The following FRYL variants were observed in gnomAD, a reference collection of about 807,000 sequenced individuals.
FRYL encodes the protein FRY like transcription coactivator, also known as protein furry homolog-like.
Under a neutral mutation model 351.2 loss-of-function variants are expected in FRYL, and 150 were observed. That is an observed-to-expected ratio of 0.43 (90% CI 0.37 to 0.49). The LOEUF is 0.49. Among genes scored for constraint, FRYL ranks in the 20% least tolerant of loss-of-function variants. The probability of loss-of-function intolerance (pLI) is 0.00; values close to 1 mark genes in which losing one functional copy is unlikely to be tolerated. For missense variants in FRYL, 3,036 were observed against 3,619.3 expected (o/e 0.84, Z 4.13); for synonymous variants, 1,153 against 1,257.1 (o/e 0.92, Z 1.75).
At chr4:48,640,665 T>C (rs1026012310) in intron 3 of FRYL, among the ~76,000 whole-genome samples, 1 of 152,154 alleles carries the variant, frequency 6.6e-6, no homozygotes, top group African/African-American at 2.4e-5. Context: ...AATGTTTCAA[T>C]ATTGTTTCAT....
At chr4:48,561,190 G>A (rs1232579837) in intron 33 of FRYL, among the ~76,000 whole-genome samples, 1 of 152,176 alleles carries the variant, frequency 6.6e-6, no homozygotes, top group Admixed American at 6.5e-5. Context: ...TAAGTCACAT[G>A]TGAAAAGTCG....
chr4:48,683,430 A>G (rs1764863618), intron 3 of FRYL, among the ~76,000 whole-genome samples: 1 of 152,006 alleles, frequency 6.6e-6, no homozygotes, highest in South Asian at 2.1e-4. Flanking sequence ...AAAAAAAAAA[A>G]AAAGAAAAAT....
intron 4 of FRYL, among the ~76,000 whole-genome samples, chr4:48,623,663 G>T (rs1232642708): frequency 1.3e-5 from 2 of 152,058 alleles, no homozygotes; most frequent in African/African-American, 4.8e-5. Flanking sequence ...ATGCCTTATG[G>T]TCTCTGTGCT....
At chr4:48,767,679 A>G (rs1775107374) in intron 1 of FRYL, among the ~76,000 whole-genome samples, 2 of 152,224 alleles carry the variant, frequency 1.3e-5, no homozygotes, top group Non-Finnish European at 2.9e-5. Flanking sequence ...GAAAAGGGGA[A>G]TATTGGTGAA....
In FRYL at chr4:48,557,129, T is replaced by C. The variant is rs768166869; in HGVS notation, c.4126-11A>G. ...CAGTTCATCGCCATACTAGATGCAA[T>C]ATGCACAAAAGATACTTCAGTCATG... On this transcript the variant is annotated splice_polypyrimidine_tract_variant and intron_variant, in intron 34 of 63. Transcript: ENST00000358350. 2 of 1,572,138 alleles carry C rather than the reference T, an allele frequency of 1.3e-6. No individual in the cohort carries two copies. Among genetic ancestry groups the C allele is most frequent in the South Asian group, 2.4e-5 (2 of 84,840 alleles).
chr4:48,673,360 A>C (rs1163302351), intron 3 of FRYL, among the ~76,000 whole-genome samples: 10 of 151,812 alleles, frequency 6.6e-5, no homozygotes, highest in African/African-American at 2.4e-4. Context: ...TAAAATAATA[A>C]AACTTGATAG....
chr4:48,596,402 A>G (rs1744599850), intron 13 of FRYL, among the ~76,000 whole-genome samples: 2 of 152,156 alleles, frequency 1.3e-5, no homozygotes, highest in Non-Finnish European at 2.9e-5. Flanking sequence ...AAAATTCAGA[A>G]CACCAAATGG....
At chr4:48,580,624 G>A in intron 22 of FRYL, 1 of 395,930 alleles carries the variant, frequency 2.5e-6, no homozygotes, top group East Asian at 3.7e-5. Flanking sequence ...TAGATTGGAA[G>A]GATGAGAATT....
At chr4:48,671,191 C>T (rs1762604403) in intron 3 of FRYL, among the ~76,000 whole-genome samples, 1 of 152,188 alleles carries the variant, frequency 6.6e-6, no homozygotes, top group South Asian at 2.1e-4. Flanking sequence ...TTACACTTCT[C>T]TGATCATCAA....
rs2149603654 is a variant in FRYL at position 48,717,639 on chromosome 4, C to T, written c.-383-6941G>A. The stretch of plus-strand genomic sequence containing the variant: ...CACTGCAGCCTCAAACTCCTGTGTT[C>T]AAGCAATCCTCCTGCCTCAGCCTCC... On this transcript the variant is annotated intron_variant, in intron 1 of 63. Coordinates refer to ENST00000358350, the MANE Select transcript of FRYL (RefSeq NM_015030.2). 3.3e-5 allele frequency among the ~76,000 whole-genome samples: 5 copies of T among 151,716 alleles called. 1 individual carries two copies. The Admixed American group carries it at 3.3e-4, about 10-fold the overall frequency.
At chr4:48,507,647 G>A (rs1721484764) in intron 59 of FRYL, among the ~76,000 whole-genome samples, 1 of 152,104 alleles carries the variant, frequency 6.6e-6, no homozygotes, top group African/African-American at 2.4e-5. Flanking sequence ...TGAACAGAAA[G>A]CAGTGGCCTA....
At chr4:48,678,189 C>T (rs756680313) in intron 3 of FRYL, among the ~76,000 whole-genome samples, 26 of 152,166 alleles carry the variant, frequency 1.7e-4, no homozygotes, top group East Asian at 3.9e-4. Context: ...GTCAAGAGAT[C>T]GAGACCATCT....
intron 1 of FRYL, among the ~76,000 whole-genome samples, chr4:48,763,332 T>C (rs1014409537): frequency 4.0e-5 from 6 of 151,334 alleles, no homozygotes; most frequent in Admixed American, 3.3e-4. Context: ...CATGATGACA[T>C]GCAACTGCAG....
chr4:48,742,066 AC>A (rs201742739), intron 1 of FRYL, among the ~76,000 whole-genome samples: 5 of 151,972 alleles, frequency 3.3e-5, no homozygotes, highest in Admixed American at 3.3e-4. Flanking sequence ...TAGCAAATGT[AC>A]CCCCCTGGAG....
At chr4:48,725,678 T>A (rs1411357235) in intron 1 of FRYL, among the ~76,000 whole-genome samples, 1 of 152,188 alleles carries the variant, frequency 6.6e-6, no homozygotes, top group East Asian at 1.9e-4. Context: ...TTAGGAGCAG[T>A]CTCAGTTATC....
chr4:48,632,990 G>T (rs894902207), intron 4 of FRYL, among the ~76,000 whole-genome samples: 1 of 152,066 alleles, frequency 6.6e-6, no homozygotes, highest in Non-Finnish European at 1.5e-5. Flanking sequence ...TCAGTGCGCC[G>T]TCACAAACCC....
intron 59 of FRYL, among the ~76,000 whole-genome samples, chr4:48,507,712 A>AGATAGAT (rs35499710): frequency 2.0e-5 from 3 of 151,058 alleles, no homozygotes; most frequent in African/African-American, 4.9e-5. Flanking sequence ...AAAGATAGAT[A>AGATAGAT]GATGATAGAT....
chr4:48,549,653 C>A lies in FRYL; in HGVS notation c.4634-30G>T, dbSNP rs772845933. ...CAAGATAAAATGATCTCATTTTCTA[C>A]ACCATCTAATTTCTGCCAATATAAG... On this transcript the variant is annotated intron_variant, in intron 38 of 63. Coordinates refer to ENST00000358350, the MANE Select transcript of FRYL (RefSeq NM_015030.2). The surrounding 1 kb of genome is among the most constrained non-coding windows in gnomAD (Gnocchi z 4.2). 16 of 1,577,410 alleles carry A rather than the reference C, an allele frequency of 1.0e-5. No individual in the cohort carries two copies. Among genetic ancestry groups the A allele is most frequent in the Non-Finnish European group, 1.3e-5 (15 of 1,152,406 alleles).
intron 47 of FRYL, among the ~76,000 whole-genome samples, chr4:48,537,702 TA>T (rs1729198059): frequency 6.6e-6 from 1 of 152,180 alleles, no homozygotes; most frequent in Non-Finnish European, 1.5e-5. Flanking sequence ...TCTGATTTCT[TA>T]AAAACATAAA....
Sources: allele counts gnomAD v4.1 joint callset (sites outside exome capture counted in the v4.1 genomes callset), GRCh38; gene constraint gnomAD v4.1.1; non-coding constraint Gnocchi (gnomAD v3.1); transcripts MANE v1.5; gene names NCBI Gene and HGNC (gene_info 2026-07-23, HGNC 2026-07-21).